SMOC2: variants seen among roughly 807,000 people sequenced by gnomAD.
SMOC2 encodes SPARC-related modular calcium-binding protein 2.
Under a neutral mutation model 61.4 loss-of-function variants are expected in SMOC2, and 39 were observed. The ratio of observed to expected loss-of-function variants is 0.64; its 90% CI spans 0.49 to 0.83. The LOEUF is 0.83. Ranked by LOEUF, SMOC2 falls within the 40% of genes least tolerant of loss-of-function variation. The pLI is 0.00. For missense variants in SMOC2, 556 were observed against 592.9 expected (o/e 0.94, Z 0.65); for synonymous variants, 247 against 239.9 (o/e 1.03, Z -0.27).
At chr6:168,523,854 A>G (rs1275169000) in intron 2 of SMOC2, among the ~76,000 whole-genome samples, 1 of 152,230 alleles carries the variant, frequency 6.6e-6, no homozygotes, top group Non-Finnish European at 1.5e-5. Flanking sequence ...CATACAGAGT[A>G]AAAATATATT....
chr6:168,648,705 C>G (rs1377115727), intron 9 of SMOC2, among the ~76,000 whole-genome samples: 2 of 152,176 alleles, frequency 1.3e-5, no homozygotes, highest in African/African-American at 2.4e-5. Flanking sequence ...CTAACACAGA[C>G]CTTTTTGCAC....
At chr6:168,652,010 C>A (rs1164992569) in intron 10 of SMOC2, among the ~76,000 whole-genome samples, 1 of 146,884 alleles carries the variant, frequency 6.8e-6, no homozygotes, top group Non-Finnish European at 1.5e-5. Context: ...CATTGCACTT[C>A]AGCCAGGACA....
intron 2 of SMOC2, among the ~76,000 whole-genome samples, chr6:168,514,657 A>G (rs533370690): frequency 6.6e-6 from 1 of 152,368 alleles, no homozygotes; most frequent in South Asian, 2.1e-4. Flanking sequence ...AAGTTTTTAC[A>G]AGTGATCGCC....
chr6:168,449,562 A>G lies in SMOC2; in HGVS notation c.84+8108A>G, dbSNP rs138883051. On this transcript the variant is annotated intron_variant, in intron 1 of 12. Transcript: ENST00000356284. Reference sequence around the variant, plus strand: ...TTCATGCCACATGGGATGTGGGTCTATGTAATCAAGAATTTTTTTAAGTAC... The same window carrying G: ...TTCATGCCACATGGGATGTGGGTCTGTGTAATCAAGAATTTTTTTAAGTAC... Among the ~76,000 whole-genome samples the G allele has an allele frequency of 7.9e-5, 12 of 152,304 alleles. No homozygotes were observed. In the East Asian group the frequency reaches 1.9e-3, roughly 25 times the overall value.
chr6:168,577,504 G>C (rs571985657), intron 7 of SMOC2, among the ~76,000 whole-genome samples: 1 of 152,272 alleles, frequency 6.6e-6, no homozygotes, highest in African/African-American at 2.4e-5. Context: ...TCAGGCTGAA[G>C]GTACCTGGAA....
chr6:168,647,823 T>C (rs184460502), intron 9 of SMOC2, among the ~76,000 whole-genome samples: 26 of 152,328 alleles, frequency 1.7e-4, no homozygotes, highest in African/African-American at 6.0e-4. Flanking sequence ...CAGTCGTCCG[T>C]CATCAGTAAC....
chr6:168,622,426 G>T (rs1010137521), intron 9 of SMOC2, among the ~76,000 whole-genome samples: 1 of 151,404 alleles, frequency 6.6e-6, no homozygotes, highest in Non-Finnish European at 1.5e-5. Flanking sequence ...AAAAAAAAAA[G>T]ACAAGGATAG....
intron 2 of SMOC2, among the ~76,000 whole-genome samples, chr6:168,512,842 A>G (rs534709953): frequency 1.8e-4 from 28 of 152,304 alleles, no homozygotes; most frequent in Non-Finnish European, 3.7e-4. Flanking sequence ...GATGCCACAC[A>G]TTGACCCTCC....
rs143814928 is a variant in SMOC2, at chr6:168,485,189, G to T, written c.85-24726G>T. Among the ~76,000 whole-genome samples, 311 of 152,130 alleles carry T rather than the reference G, an allele frequency of 2.0e-3. 1 individual carries two copies. The highest frequency in any genetic ancestry group is 7.0e-3 in the African/African-American group (292 of 41,500). ...ACTAGAATTAAAAAGTCAGAAAATA[G>T]CAAGTATTGACAAGGATATGGAAAA... is the stretch of plus-strand genomic sequence containing the variant. On this transcript the variant is annotated intron_variant, in intron 1 of 12. Transcript: ENST00000356284.
intron 1 of SMOC2, among the ~76,000 whole-genome samples, chr6:168,501,011 C>T (rs1782715364): frequency 6.6e-6 from 1 of 152,212 alleles, no homozygotes; most frequent in Non-Finnish European, 1.5e-5. Flanking sequence ...AGCTGTGTTA[C>T]AGTATTTCAT....
chr6:168,553,623 T>A lies in SMOC2; in HGVS notation c.637+4420T>A, dbSNP rs867909715. ...TCATGAATTACCAACACCAAGGTGC[T>A]TAGGGTTTCATGACCCATTCATAAT... is the stretch of plus-strand genomic sequence containing the variant. On this transcript the variant is annotated intron_variant, in intron 7 of 12. Transcript: ENST00000356284. This position sits in a 1 kb window ranked among gnomAD's most constrained non-coding sequence, Gnocchi z 4.2. 9.9e-5 allele frequency among the ~76,000 whole-genome samples: 15 copies of A among 152,210 alleles called. No individual in the cohort carries two copies. Among genetic ancestry groups the A allele is most frequent in the African/African-American group, 3.1e-4 (13 of 41,450 alleles).
chr6:168,445,026 A>G (rs1015759747), intron 1 of SMOC2, among the ~76,000 whole-genome samples: 3 of 152,196 alleles, frequency 2.0e-5, no homozygotes, highest in African/African-American at 7.2e-5. Flanking sequence ...GCCAATACCT[A>G]ACGCTCCCCT....
chr6:168,660,951 C>A (rs753409837), intron 11 of SMOC2, among the ~76,000 whole-genome samples: 1 of 152,198 alleles, frequency 6.6e-6, no homozygotes, highest in East Asian at 1.9e-4. Context: ...TGATATGTCT[C>A]ATTTTTACTG....
chr6:168,500,503 T>C (rs1782702176), intron 1 of SMOC2, among the ~76,000 whole-genome samples: 1 of 151,872 alleles, frequency 6.6e-6, no homozygotes, highest in African/African-American at 2.4e-5. Flanking sequence ...TGTTCTAGGG[T>C]CTCCGCGTGG....
In SMOC2 at chr6:168,528,040, G is replaced by A. The variant is rs188312403; in HGVS notation, c.463+313G>A. On this transcript the variant is annotated intron_variant, in intron 4 of 12. Transcript: ENST00000356284. ...GGTCCCTTAATTGTTTAAAATAACC[G>A]CAAGGACTTGGAGTCACCAGTGGAA... Among the ~76,000 whole-genome samples the A allele has an allele frequency of 2.1e-4, 32 of 152,302 alleles. No homozygotes were observed. In the East Asian group the frequency reaches 5.0e-3, roughly 24 times the overall value.
chr6:168,553,945 T>C lies in SMOC2; in HGVS notation c.637+4742T>C, dbSNP rs1784186293. 6.6e-6 allele frequency among the ~76,000 whole-genome samples: 1 copy of C among 151,228 alleles called. No homozygotes were observed. Among genetic ancestry groups the C allele is most frequent in the African/African-American group, 2.5e-5 (1 of 40,570 alleles). On this transcript the variant is annotated intron_variant, in intron 7 of 12. Coordinates refer to ENST00000356284, the MANE Select transcript of SMOC2 (RefSeq NM_001166412.2). The surrounding 1 kb of genome is among the most constrained non-coding windows in gnomAD (Gnocchi z 4.2). ...TGCGTGTGCTGTGCATGGTGCCCCT[T>C]CCCCACCAGGTATCAGCGTTTTTCA...
At chr6:168,648,110 A>G (rs1787091809) in intron 9 of SMOC2, among the ~76,000 whole-genome samples, 1 of 152,244 alleles carries the variant, frequency 6.6e-6, no homozygotes, top group South Asian at 2.1e-4. Context: ...ACCACACCAA[A>G]TATCCACATA....
intron 9 of SMOC2, among the ~76,000 whole-genome samples, chr6:168,622,217 C>T (rs1355581099): frequency 1.3e-5 from 2 of 152,228 alleles, no homozygotes; most frequent in Non-Finnish European, 2.9e-5. Flanking sequence ...CCACCCGCCT[C>T]GGCCTCCCAA....
intron 10 of SMOC2, among the ~76,000 whole-genome samples, chr6:168,651,589 C>T (rs1787194047): frequency 6.6e-6 from 1 of 152,162 alleles, no homozygotes; most frequent in South Asian, 2.1e-4. Context: ...CCCATAGCCC[C>T]TGACACCCAA....
Sources: gnomAD v4.1 joint callset for allele counts (sites outside exome capture counted in the v4.1 genomes callset) on GRCh38, gnomAD v4.1.1 for gene constraint, Gnocchi (gnomAD v3.1) non-coding constraint, MANE v1.5 for transcripts, NCBI Gene and HGNC (gene_info 2026-07-23, HGNC 2026-07-21) for gene names.